GRAMD4: variants seen among roughly 807,000 people sequenced by gnomAD.
GRAMD4 encodes the protein GRAM domain-containing protein 4.
GRAMD4 carries 25 observed loss-of-function variants against 83.9 expected under a neutral mutation model. The ratio of observed to expected loss-of-function variants is 0.30; its 90% CI spans 0.22 to 0.42. The LOEUF (loss-of-function observed/expected upper bound fraction) is 0.42, where lower values mean the gene tolerates loss of function less well. Among genes scored for constraint, GRAMD4 ranks in the 10% least tolerant of loss-of-function variants. GRAMD4 has a pLI of 1.00. For missense variants in GRAMD4, 593 were observed against 788.7 expected (o/e 0.75, Z 2.97); for synonymous variants, 336 against 320.9 (o/e 1.05, Z -0.50).
rs913038874 is a variant in GRAMD4 at position 46,621,473 on chromosome 22, G to T, written c.-50+908G>T. ...CACCCCTACCCCGGTGCAGGCGCAGGCTGGAGGCGTAGCCCGGGCCCATCC... is the reference window on the plus strand; with the variant it reads ...CACCCCTACCCCGGTGCAGGCGCAGTCTGGAGGCGTAGCCCGGGCCCATCC... On this transcript the variant is annotated intron_variant, in intron 1 of 18. Transcript: ENST00000406902. The surrounding 1 kb of genome is among the most constrained non-coding windows in gnomAD (Gnocchi z 5.8). Among the ~76,000 whole-genome samples, 1 of 152,048 alleles carries T rather than the reference G, an allele frequency of 6.6e-6. No homozygotes were observed. Among genetic ancestry groups the T allele is most frequent in the East Asian group, 1.9e-4 (1 of 5,174 alleles).
chr22:46,678,100 G>T lies in GRAMD4; in HGVS notation c.*849G>T, dbSNP rs939180714. On this transcript the variant is annotated 3_prime_UTR_variant, in exon 19 of 19. Coordinates refer to ENST00000406902, the MANE Select transcript of GRAMD4 (RefSeq NM_015124.5). ...ACTTTGCTCTTTGGAAGGCCCAGGA[G>T]AACATCCGCGAAGGCTGTTGGAGGT... is the stretch of plus-strand genomic sequence containing the variant. 6.1e-6 allele frequency: 6 copies of T among 985,488 alleles called. No individual in the cohort carries two copies. In the African/African-American group the frequency reaches 1.0e-4, roughly 17 times the overall value. 61.0% of individuals were successfully genotyped at this position (985,488 alleles called of 1,614,324 possible).
chr22:46,668,907 G>T lies in GRAMD4; in HGVS notation c.1083G>T (p.Val361=). ...FFPYRLVGLA[V]GLYAGIKFFL... ...CCTACCGCCTGGTGGGGCTTGCCGT[G>T]GGTAAGTAGATGCACCTGCGGCCTG... Residue 361 remains valine (V), a splice_region_variant and synonymous_variant, in exon 13 of 19, where the codon GTG becomes GTT. Coordinates refer to ENST00000406902, the MANE Select transcript of GRAMD4 (RefSeq NM_015124.5). The T allele has an allele frequency of 6.3e-7, 1 of 1,583,402 alleles. No individual in the cohort carries two copies. Among genetic ancestry groups the T allele is most frequent in the Non-Finnish European group, 8.7e-7 (1 of 1,154,332 alleles).
intron 1 of GRAMD4, among the ~76,000 whole-genome samples, chr22:46,579,754 T>C (rs1393621902): frequency 6.6e-6 from 1 of 152,168 alleles, no homozygotes; most frequent in Non-Finnish European, 1.5e-5. Context: ...CTGGGGTTTA[T>C]TTGGCATTGG....
At chr22:46,618,359 C>T (rs1385588852), upstream of GRAMD4, among the ~76,000 whole-genome samples, 1 of 151,538 alleles carries the variant, frequency 6.6e-6, no homozygotes, top group African/African-American at 2.4e-5. This position sits in a 1 kb window ranked among gnomAD's most constrained non-coding sequence, Gnocchi z 5.8. Flanking sequence ...CCAAGGACCC[C>T]ACGTCAAACC....
intron 14 of GRAMD4, among the ~76,000 whole-genome samples, chr22:46,673,217 C>T (rs1349549112): frequency 3.3e-5 from 5 of 152,228 alleles, no homozygotes; most frequent in Non-Finnish European, 5.9e-5. Flanking sequence ...TGGGGACTGG[C>T]CATGATGACT....
At chr22:46,674,242 AC>A (rs1043482630) in intron 15 of GRAMD4, among the ~76,000 whole-genome samples, 4 of 151,974 alleles carry the variant, frequency 2.6e-5, no homozygotes, top group Non-Finnish European at 4.4e-5. Flanking sequence ...GTTAAACTAA[AC>A]CGGGCAGCTC....
chr22:46,635,842 G>C (rs1055831292), intron 2 of GRAMD4, among the ~76,000 whole-genome samples: 20 of 140,196 alleles, frequency 1.4e-4, no homozygotes, highest in African/African-American at 5.4e-4. Context: ...TCCCAGGCAC[G>C]TTCTCATTCT....
chr22:46,599,113 A>G (rs573938270), intron 1 of GRAMD4, among the ~76,000 whole-genome samples: 10 of 151,934 alleles, frequency 6.6e-5, no homozygotes, highest in African/African-American at 2.4e-4. Flanking sequence ...CCTTGACAGA[A>G]CCCCTAGCAC....
In GRAMD4 at chr22:46,620,879, C is replaced by T. The variant is rs1249966297; in HGVS notation, c.-50+314C>T. Among the ~76,000 whole-genome samples the T allele has an allele frequency of 5.9e-5, 9 of 151,992 alleles. No homozygotes were observed. The highest frequency in any genetic ancestry group is 8.8e-5 in the Non-Finnish European group (6 of 67,982). The stretch of plus-strand genomic sequence containing the variant: ...GGAAGCCCCTCAGAACCTGACAGGA[C>T]GAGAGGAAGGGAGGCCGATCTGAGA... On this transcript the variant is annotated intron_variant, in intron 1 of 18. Coordinates refer to ENST00000406902, the MANE Select transcript of GRAMD4 (RefSeq NM_015124.5). The surrounding 1 kb of genome is among the most constrained non-coding windows in gnomAD (Gnocchi z 4.7).
chr22:46,618,067 C>T (rs769613491), upstream of GRAMD4, among the ~76,000 whole-genome samples: 32 of 152,150 alleles, frequency 2.1e-4, no homozygotes, highest in Non-Finnish European at 4.0e-4. This position sits in a 1 kb window ranked among gnomAD's most constrained non-coding sequence, Gnocchi z 5.8. Context: ...CTGGTGGCTG[C>T]GGGCTCAGGC....
intron 3 of GRAMD4, among the ~76,000 whole-genome samples, chr22:46,644,714 T>C (rs1368387273): frequency 1.6e-5 from 1 of 64,224 alleles, no homozygotes; most frequent in Admixed American, 2.0e-4. Context: ...TTTTTTTTTT[T>C]TTTTTTTTTT....
chr22:46,636,353 G>A (rs1008634265), intron 2 of GRAMD4, among the ~76,000 whole-genome samples: 3 of 152,180 alleles, frequency 2.0e-5, no homozygotes, highest in African/African-American at 2.4e-5. Flanking sequence ...TCCAGCGGGC[G>A]GGACAGATGG....
In GRAMD4 at chr22:46,659,789, C is replaced by T. The variant is rs544091497; in HGVS notation, c.404+1482C>T. 6.6e-6 allele frequency among the ~76,000 whole-genome samples: 1 copy of T among 152,332 alleles called. No individual in the cohort carries two copies. Among genetic ancestry groups the T allele is most frequent in the Non-Finnish European group, 1.5e-5 (1 of 68,024 alleles). On this transcript the variant is annotated intron_variant, in intron 4 of 18. Coordinates refer to ENST00000406902, the MANE Select transcript of GRAMD4 (RefSeq NM_015124.5). The surrounding 1 kb of genome is among the most constrained non-coding windows in gnomAD (Gnocchi z 4.1). ...GCCTCACTTTCCTATTCCGCCCTGG[C>T]AGAACCTCCCAGACCAGAAATGGGT... is the stretch of plus-strand genomic sequence containing the variant.
chr22:46,680,740 A>ACCCATCCACCCATCCATCCACCCC (rs2082663294), downstream of GRAMD4, among the ~76,000 whole-genome samples: 1 of 63,850 alleles, frequency 1.6e-5, no homozygotes, highest in Non-Finnish European at 2.9e-5. Context: ...CCATCCACCC[A>ACCCATCCACCCATCCATCCACCCC]CCCATCCATC....
intron 13 of GRAMD4, chr22:46,671,005 A>G (rs2082494395): frequency 2.4e-6 from 1 of 421,658 alleles, no homozygotes; most frequent in Admixed American, 2.5e-5. Context: ...GGTGTGGGCC[A>G]AGATGGCATT....
At chr22:46,617,800 G>A (rs557319489), upstream of GRAMD4, among the ~76,000 whole-genome samples, 1 of 152,308 alleles carries the variant, frequency 6.6e-6, no homozygotes, top group Admixed American at 6.5e-5. Flanking sequence ...CCCTGTCACA[G>A]TGCAGAAGGC....
At chr22:46,581,878 C>T (rs761950530) in intron 1 of GRAMD4, among the ~76,000 whole-genome samples, 6 of 152,226 alleles carry the variant, frequency 3.9e-5, no homozygotes, top group Non-Finnish European at 8.8e-5. Flanking sequence ...CTCTCTGGGC[C>T]TCAGTTTGGT....
At chr22:46,597,740 C>T (rs1035956753) in intron 1 of GRAMD4, among the ~76,000 whole-genome samples, 2 of 152,186 alleles carry the variant, frequency 1.3e-5, no homozygotes, top group Non-Finnish European at 2.9e-5. Context: ...CTGCCCGCTT[C>T]GGCCTCCCAA....
At position 46,673,707 on chromosome 22, in the gene GRAMD4, C is replaced by T. The variant is rs749783610; in HGVS notation, c.1277C>T (p.Ala426Val). The T allele has an allele frequency of 6.2e-7, 1 of 1,612,794 alleles. No homozygotes were observed. Among genetic ancestry groups the T allele is most frequent in the South Asian group, 1.1e-5 (1 of 91,084 alleles). ...TCGTCACGGAGCTACGTACCCAGCG[C>T]ACCGGCCGGCCTGGGTAAAGAGGAG... ...TTSSRSYVPS[A>V]PAGLGKEEDA... Residue 426 changes from alanine to valine, a missense_variant, in exon 15 of 19, where the codon GCA becomes GTA. By Grantham distance (64) the Ala-to-Val change is moderately conservative. This residue lies in a region of GRAMD4 where 171 missense variants were observed against 199.6 expected (regional missense o/e 0.86). Coordinates refer to ENST00000406902, the MANE Select transcript of GRAMD4 (RefSeq NM_015124.5).
Sources: allele counts gnomAD v4.1 joint callset (sites outside exome capture counted in the v4.1 genomes callset), GRCh38; gene constraint gnomAD v4.1.1; regional missense constraint gnomAD v4.1.1; non-coding constraint Gnocchi (gnomAD v3.1); transcripts MANE v1.5; gene names NCBI Gene and HGNC (gene_info 2026-07-23, HGNC 2026-07-21).